DNM3: variants seen among roughly 807,000 people sequenced by gnomAD.
The protein encoded by DNM3 is dynamin 3, also known as dynamin-3.
A neutral mutation model predicts 101.6 loss-of-function variants in DNM3; 47 were observed. That is an observed-to-expected ratio of 0.46 (90% CI 0.37 to 0.59). DNM3 has a LOEUF of 0.59. DNM3 is among the 20% of genes least tolerant of loss of function. The probability of loss-of-function intolerance (pLI) is 0.00; values close to 1 mark genes in which losing one functional copy is unlikely to be tolerated. For synonymous variants in DNM3, 385 were observed against 387.9 expected (o/e 0.99, Z 0.09); for missense variants, 849 against 1,085.7 (o/e 0.78, Z 3.06).
intron 4 of DNM3, among the ~76,000 whole-genome samples, chr1:172,023,763 T>A (rs1174026509): frequency 6.6e-6 from 1 of 152,080 alleles, no homozygotes; most frequent in Non-Finnish European, 1.5e-5. Context: ...CCCCAAACTG[T>A]TTCTGTTTGA....
intron 4 of DNM3, among the ~76,000 whole-genome samples, chr1:171,991,261 G>C (rs1435072519): frequency 1.3e-5 from 2 of 152,076 alleles, no homozygotes; most frequent in African/African-American, 2.4e-5. Flanking sequence ...CCTGGAAATA[G>C]CATCAGATCA....
intron 2 of DNM3, among the ~76,000 whole-genome samples, chr1:171,953,949 T>A (rs971129527): frequency 6.6e-6 from 1 of 152,228 alleles, no homozygotes; most frequent in African/African-American, 2.4e-5. Flanking sequence ...TTGTCCTTTT[T>A]CATATACTCC....
intron 17 of DNM3, among the ~76,000 whole-genome samples, chr1:172,347,143 A>G (rs909311990): frequency 2.0e-5 from 3 of 152,136 alleles, no homozygotes; most frequent in Non-Finnish European, 4.4e-5. Flanking sequence ...AACCTCAAGT[A>G]CAGAATTTAA....
intron 20 of DNM3, among the ~76,000 whole-genome samples, chr1:172,406,818 T>C (rs1256374364): frequency 2.0e-5 from 3 of 151,992 alleles, no homozygotes; most frequent in Non-Finnish European, 4.4e-5. Context: ...TTTATGACTA[T>C]AATTCCAGAA....
intron 15 of DNM3, among the ~76,000 whole-genome samples, chr1:172,262,649 T>C (rs535150911): frequency 6.6e-6 from 1 of 152,326 alleles, no homozygotes; most frequent in African/African-American, 2.4e-5. Context: ...GTGTTCTCTC[T>C]TAGATTATCT....
At chr1:172,279,387 T>C (rs879921358) in intron 15 of DNM3, among the ~76,000 whole-genome samples, 2 of 152,174 alleles carry the variant, frequency 1.3e-5, no homozygotes, top group Non-Finnish European at 2.9e-5. Context: ...AATTAGCAAA[T>C]GCATGTGCTT....
At chr1:172,235,962 T>A (rs1458520848) in intron 14 of DNM3, among the ~76,000 whole-genome samples, 3 of 152,152 alleles carry the variant, frequency 2.0e-5, no homozygotes, top group South Asian at 2.1e-4. Context: ...AACCTGCACG[T>A]TGTGCACATG....
At chr1:171,916,910 C>T (rs74126532) in intron 1 of DNM3, among the ~76,000 whole-genome samples, 5,233 of 152,236 alleles carry the variant, frequency 0.034, 294 homozygotes, top group African/African-American at 0.12. Context: ...TCCATGTCTT[C>T]GTATATCTGA....
intron 14 of DNM3, among the ~76,000 whole-genome samples, chr1:172,177,508 G>A (rs12129806): frequency 0.26 from 38,826 of 151,690 alleles, 5,474 homozygotes; most frequent in Middle Eastern, 0.34. Context: ...AAGTGGGGGC[G>A]CTACTGTACT....
chr1:171,844,491 T>C (rs2031767334), intron 1 of DNM3, among the ~76,000 whole-genome samples: 1 of 152,246 alleles, frequency 6.6e-6, no homozygotes, highest in Non-Finnish European at 1.5e-5. Flanking sequence ...AGTTTGTTTA[T>C]ATTGAGTTTT....
At chr1:171,875,828 T>TTTTTTTTG (rs1272826315) in intron 1 of DNM3, among the ~76,000 whole-genome samples, 1 of 146,462 alleles carries the variant, frequency 6.8e-6, no homozygotes, top group Admixed American at 6.8e-5. Flanking sequence ...TTTTTTTTTT[T>TTTTTTTTG]TGAGATGGAG....
intron 2 of DNM3, among the ~76,000 whole-genome samples, chr1:171,929,279 C>T (rs1033819843): frequency 2.0e-5 from 3 of 151,924 alleles, no homozygotes; most frequent in African/African-American, 7.3e-5. Flanking sequence ...AGCCAGAGAA[C>T]ACCAGTGGGG....
At chr1:172,400,033 A>G (rs2070347554) in intron 20 of DNM3, 1 of 152,220 alleles carries the variant, frequency 6.6e-6, no homozygotes, top group South Asian at 2.1e-4. Flanking sequence ...CCCTCTCAGA[A>G]AGGGACAAAA....
intron 17 of DNM3, chr1:172,338,755 A>T (rs2148953317): frequency 2.2e-6 from 1 of 461,650 alleles, no homozygotes; most frequent in East Asian, 6.0e-5. Flanking sequence ...TCATTACCAT[A>T]TCTCTTTGTA....
At chr1:172,062,276 C>A (rs370603297) in intron 10 of DNM3, among the ~76,000 whole-genome samples, 6 of 152,018 alleles carry the variant, frequency 3.9e-5, no homozygotes, top group East Asian at 1.9e-4. Context: ...TGTTGTTTTG[C>A]CACCATGTCA....
chr1:172,316,597 T>C (rs1272452497), intron 16 of DNM3, among the ~76,000 whole-genome samples: 1 of 152,036 alleles, frequency 6.6e-6, no homozygotes, highest in Non-Finnish European at 1.5e-5. Context: ...TCCTAGTCTC[T>C]GATAAAACAG....
intron 4 of DNM3, among the ~76,000 whole-genome samples, chr1:172,016,472 G>T (rs1043138399): frequency 6.6e-6 from 1 of 152,098 alleles, no homozygotes; most frequent in African/African-American, 2.4e-5. Context: ...CTATACTTGG[G>T]ATAAATCCCA....
chr1:171,960,058 T>C (rs1257245310), intron 2 of DNM3, among the ~76,000 whole-genome samples: 7 of 152,118 alleles, frequency 4.6e-5, no homozygotes, highest in African/African-American at 1.7e-4. Flanking sequence ...CAAATGTAAT[T>C]GGGTTAAAAT....
intron 10 of DNM3, among the ~76,000 whole-genome samples, chr1:172,058,943 G>A (rs541673012): frequency 2.2e-4 from 34 of 152,190 alleles, no homozygotes; most frequent in South Asian, 6.2e-4. Context: ...TTGATAGACT[G>A]CTAGCAAGAC....
Sources: gnomAD v4.1 joint callset for allele counts (sites outside exome capture counted in the v4.1 genomes callset) on GRCh38, gnomAD v4.1.1 for gene constraint, MANE v1.5 for transcripts, NCBI Gene and HGNC (gene_info 2026-07-23, HGNC 2026-07-21) for gene names.